The following RABGEF1 variants were observed in gnomAD, a reference collection of about 807,000 sequenced individuals.
RABGEF1 encodes RAB guanine nucleotide exchange factor 1.
In RABGEF1, 26 loss-of-function variants were observed where a neutral mutation model predicts 57.3. The observed-to-expected ratio is 0.45, with a 90% CI of 0.33 to 0.63. The LOEUF is 0.63. RABGEF1 is among the 20% of genes least tolerant of loss of function. The probability of loss-of-function intolerance (pLI) is 0.02; values close to 1 mark genes in which losing one functional copy is unlikely to be tolerated. For synonymous variants in RABGEF1, 185 were observed against 210.7 expected (o/e 0.88, Z 1.06); for missense variants, 464 against 607.6 (o/e 0.76, Z 2.48).
chr7:66,762,791 G>A (rs993342544), intron 1 of RABGEF1, among the ~76,000 whole-genome samples: 1 of 152,054 alleles, frequency 6.6e-6, no homozygotes. Flanking sequence ...GGAGATGAGG[G>A]TTGGGTAGGC....
chr7:66,672,517 T>C, the RABGEF1 span, among the ~76,000 whole-genome samples: 1 of 152,236 alleles, frequency 6.6e-6, no homozygotes, highest in Non-Finnish European at 1.5e-5. Context: ...AAAGACTTTA[T>C]GTCTCAGGTT....
At chr7:66,802,239 C>G (rs543170055) in intron 7 of RABGEF1, among the ~76,000 whole-genome samples, 1 of 152,256 alleles carries the variant, frequency 6.6e-6, no homozygotes, top group Admixed American at 6.5e-5. Context: ...CTACTAACAC[C>G]TAGTGGGTAG....
intron 1 of RABGEF1, among the ~76,000 whole-genome samples, chr7:66,764,245 A>G (rs182708797): frequency 1.1e-4 from 17 of 152,312 alleles, no homozygotes; most frequent in Admixed American, 7.8e-4. Context: ...ATCTTTTCAT[A>G]TACTCACGAC....
chr7:66,806,736 TG>T (rs1466416614), intron 8 of RABGEF1, among the ~76,000 whole-genome samples: 3 of 148,834 alleles, frequency 2.0e-5, no homozygotes, highest in Non-Finnish European at 4.4e-5. Flanking sequence ...CTCCGTCTCC[TG>T]GGTTCAAGTG....
At chr7:66,760,332 G>A (rs999495547) in intron 1 of RABGEF1, among the ~76,000 whole-genome samples, 5 of 151,898 alleles carry the variant, frequency 3.3e-5, no homozygotes, top group Non-Finnish European at 5.9e-5. Flanking sequence ...TTGCTCTTGT[G>A]TTAATAGTTT....
chr7:66,797,779 G>A (rs1247198466), intron 6 of RABGEF1, among the ~76,000 whole-genome samples: 1 of 152,192 alleles, frequency 6.6e-6, no homozygotes, highest in Non-Finnish European at 1.5e-5. Flanking sequence ...TAGGGGGACT[G>A]TGTTCTTGGT....
chr7:66,697,229 A>G (rs1792488118), intron 1 of RABGEF1, among the ~76,000 whole-genome samples: 4 of 152,148 alleles, frequency 2.6e-5, no homozygotes, highest in Admixed American at 2.6e-4. Flanking sequence ...TAAGAGACCC[A>G]GAGCCGACCT....
intron 1 of RABGEF1, among the ~76,000 whole-genome samples, chr7:66,755,635 C>T (rs896353727): frequency 6.6e-6 from 1 of 151,926 alleles, no homozygotes; most frequent in Non-Finnish European, 1.5e-5. Context: ...CTTCCCTGGG[C>T]GAGGGCATAG....
Position 66,808,946 on chromosome 7 carries a change from G to A in RABGEF1, c.1138G>A (p.Asp380Asn). 6.2e-7 allele frequency: 1 copy of A among 1,613,368 alleles called. No homozygotes were observed. The change falls in exon 9 of 9, where the codon GAT (aspartate) becomes AAT (asparagine). Residue 380 changes from aspartate to asparagine, a missense_variant. Physicochemically the swap from Asp to Asn is conservative, Grantham distance 23 (BLOSUM62 1). This residue lies in a region of RABGEF1 where 151 missense variants were observed against 152.2 expected (regional missense o/e 0.99). Transcript: ENST00000284957. ...CCAGTCTTTGAATCTAAGTCAGGAG[G>A]ATTTTGATCGCTACATGTCTGGCCA... ...DAQSLNLSQE[D>N]FDRYMSGQTS...
At chr7:66,732,821 C>G (rs1797497644) in intron 2 of RABGEF1, among the ~76,000 whole-genome samples, 1 of 152,168 alleles carries the variant, frequency 6.6e-6, no homozygotes, top group Admixed American at 6.5e-5. Flanking sequence ...CGCTCTCACT[C>G]TGTAGCCACA....
chr7:66,702,907 TTTC>T (rs1793502359), intron 1 of RABGEF1, among the ~76,000 whole-genome samples: 1 of 152,216 alleles, frequency 6.6e-6, no homozygotes, highest in Non-Finnish European at 1.5e-5. Flanking sequence ...TTGCAAATAT[TTTC>T]TGTCATTCTG....
intron 1 of RABGEF1, among the ~76,000 whole-genome samples, chr7:66,689,825 G>T (rs937423656): frequency 6.6e-6 from 1 of 151,560 alleles, no homozygotes; most frequent in Non-Finnish European, 1.5e-5. Flanking sequence ...AAGAAAATAG[G>T]GGTAAACCTA....
chr7:66,757,703 C>T (rs1172916308), intron 1 of RABGEF1, among the ~76,000 whole-genome samples: 1 of 152,196 alleles, frequency 6.6e-6, no homozygotes, highest in Non-Finnish European at 1.5e-5. Flanking sequence ...GCTCCGCCTG[C>T]CAGGTTCATG....
At chr7:66,775,699 C>CT (rs1808355173) in intron 3 of RABGEF1, among the ~76,000 whole-genome samples, 1 of 152,092 alleles carries the variant, frequency 6.6e-6, no homozygotes, top group Non-Finnish European at 1.5e-5. Context: ...GTTTTTGTGC[C>CT]TTTATTTGTG....
intron 1 of RABGEF1, among the ~76,000 whole-genome samples, chr7:66,711,428 G>A (rs1794765303): frequency 6.8e-6 from 1 of 147,268 alleles, no homozygotes; most frequent in Non-Finnish European, 1.5e-5. Context: ...TTTTGCATAA[G>A]CTGTGAGGTT....
At chr7:66,718,191 A>C (rs2117473947) in intron 2 of RABGEF1, among the ~76,000 whole-genome samples, 1 of 152,252 alleles carries the variant, frequency 6.6e-6, no homozygotes, top group African/African-American at 2.4e-5. Flanking sequence ...CAAAAAATAC[A>C]AAAAAATATT....
At chr7:66,660,228 G>A in the RABGEF1 span, among the ~76,000 whole-genome samples, 87 of 152,000 alleles carry the variant, frequency 5.7e-4, no homozygotes, top group Admixed American at 2.2e-3. Flanking sequence ...GGCGCCTGTA[G>A]TCCTAGCTAC....
intron 1 of RABGEF1, among the ~76,000 whole-genome samples, chr7:66,767,633 A>T (rs1447493616): frequency 6.6e-6 from 1 of 152,182 alleles, no homozygotes; most frequent in Admixed American, 6.5e-5. Flanking sequence ...TGATTAGTTC[A>T]TGAAAGTGGA....
rs1789276896 is a variant in RABGEF1, at chr7:66,810,283, A to T, written c.*999A>T. 6.6e-6 allele frequency: 1 copy of T among 152,204 alleles called. No individual in the cohort carries two copies. Among genetic ancestry groups the T allele is most frequent in the South Asian group, 2.1e-4 (1 of 4,832 alleles). 9.4% of individuals were successfully genotyped at this position (152,204 alleles called of 1,614,324 possible). On this transcript the variant is annotated 3_prime_UTR_variant, in exon 9 of 9. Coordinates refer to ENST00000284957, the MANE Select transcript of RABGEF1 (RefSeq NM_014504.3). ...GGACATTTCAACCTCGGGACTATTCATATTAGTGGCCTGAGAGGTGTTTGT... is the reference window on the plus strand; with the variant it reads ...GGACATTTCAACCTCGGGACTATTCTTATTAGTGGCCTGAGAGGTGTTTGT...
Sources: gnomAD v4.1 joint callset for allele counts (sites outside exome capture counted in the v4.1 genomes callset) on GRCh38, gnomAD v4.1.1 for gene constraint, gnomAD v4.1.1 regional missense constraint, MANE v1.5 for transcripts, NCBI Gene and HGNC (gene_info 2026-07-23, HGNC 2026-07-21) for gene names.